GSTCD: variants seen among roughly 807,000 people sequenced by gnomAD.
The protein encoded by GSTCD is glutathione S-transferase C-terminal domain containing.
A neutral mutation model predicts 68.3 loss-of-function variants in GSTCD; 44 were observed. The ratio of observed to expected loss-of-function variants is 0.64; its 90% confidence interval spans 0.51 to 0.83. GSTCD has a LOEUF of 0.83. Among genes scored for constraint, GSTCD ranks in the 40% least tolerant of loss-of-function variants. The pLI, the probability that GSTCD is intolerant of heterozygous loss-of-function variation, is 0.00. For synonymous variants in GSTCD, 273 were observed against 255.2 expected (o/e 1.07, Z -0.67); for missense variants, 739 against 735.9 (o/e 1.00, Z -0.05).
chr4:105,752,984 C>A (rs1734057284), intron 5 of GSTCD, among the ~76,000 whole-genome samples: 2 of 152,000 alleles, frequency 1.3e-5, no homozygotes, highest in African/African-American at 4.8e-5. Context: ...TTTTCTGGAG[C>A]ACTTCCCAGT....
chr4:105,807,321 A>G (rs967269098), intron 5 of GSTCD: 4 of 152,060 alleles, frequency 2.6e-5, no homozygotes, highest in African/African-American at 9.7e-5. Flanking sequence ...TCACAAGCCA[A>G]TTATCACCTA....
rs528624311 is a variant in GSTCD at position 105,743,101 on chromosome 4, C to T, written c.1240+13602C>T. Among the ~76,000 whole-genome samples, 3 of 152,052 alleles carry T rather than the reference C, an allele frequency of 2.0e-5. No individual in the cohort carries two copies. The South Asian group carries it at 6.2e-4, about 32-fold the overall frequency. ...AGTAGCTGGGACTACAGGCGCCCGC[C>T]ACCACGCCTGGCTAATTTTTTTGTA... is the stretch of plus-strand genomic sequence containing the variant. On this transcript the variant is annotated intron_variant, in intron 5 of 11. Transcript: ENST00000515279.
intron 5 of GSTCD, among the ~76,000 whole-genome samples, chr4:105,785,983 A>C (rs1230927795): frequency 6.6e-6 from 1 of 152,222 alleles, no homozygotes; most frequent in Non-Finnish European, 1.5e-5. Flanking sequence ...GGAAGAAAAT[A>C]ATCCCATTTA....
At chr4:105,802,188 T>C (rs575068105) in intron 5 of GSTCD, among the ~76,000 whole-genome samples, 19 of 152,274 alleles carry the variant, frequency 1.2e-4, no homozygotes, top group African/African-American at 3.6e-4. Context: ...TTTGCTTGTT[T>C]TGTCAGAGAA....
rs935842538 is a variant in GSTCD, at chr4:105,846,760, A to G, written c.*1183A>G. Reference sequence around the variant, plus strand: ...GATCTTGGCTCACCACAACCTCTGCATTCTCCTGCCTCAGCCTCCCGAGTA... The same window carrying G: ...GATCTTGGCTCACCACAACCTCTGCGTTCTCCTGCCTCAGCCTCCCGAGTA... On this transcript the variant is annotated 3_prime_UTR_variant, in exon 12 of 12. Transcript: ENST00000515279. 3.5e-5 allele frequency: 5 copies of G among 144,770 alleles called. No individual in the cohort carries two copies. The highest frequency in any genetic ancestry group is 4.5e-5 in the Non-Finnish European group (3 of 67,168). The allele number at this position is 144,770 out of a possible 1,614,324, so 9.0% of individuals were successfully genotyped here. A position where few individuals can be genotyped will look rare whatever the true frequency, so the allele number is the denominator to read the frequency against.
At chr4:105,801,597 A>G (rs1409348380) in intron 5 of GSTCD, among the ~76,000 whole-genome samples, 1 of 152,096 alleles carries the variant, frequency 6.6e-6, no homozygotes, top group African/African-American at 2.4e-5. Context: ...AGTATCTATT[A>G]TGGGTAACAT....
chr4:105,752,046 A>G (rs535954500), intron 5 of GSTCD, among the ~76,000 whole-genome samples: 1 of 152,272 alleles, frequency 6.6e-6, no homozygotes, highest in Non-Finnish European at 1.5e-5. Context: ...CCCTGTATCT[A>G]ACATAGAGAC....
rs1355572595 is a variant in GSTCD at position 105,834,539 on chromosome 4, T to C, written c.1609T>C (p.Cys537Arg). 3.1e-6 allele frequency: 5 copies of C among 1,614,168 alleles called. No individual in the cohort carries two copies. Among genetic ancestry groups the C allele is most frequent in the Non-Finnish European group, 4.2e-6 (5 of 1,179,996 alleles). Residue 537 changes from cysteine (C) to arginine (R), a missense_variant, in exon 9 of 12, where the codon TGC (cysteine) becomes CGC (arginine). Coordinates refer to ENST00000515279, the MANE Select transcript of GSTCD (RefSeq NM_001370181.1). ...CAAAACACGGGCTTCCTTCGTCACA[T>C]GCCCTTGCTGTTATGGTTTCATTCA... is the stretch of plus-strand genomic sequence containing the variant. ...CIKTRASFVT[C>R]PCCYGFIQNT... is the part of the protein sequence containing the mutation.
At chr4:105,714,463 ATTTT>A (rs200198978) in intron 1 of GSTCD, among the ~76,000 whole-genome samples, 1 of 144,358 alleles carries the variant, frequency 6.9e-6, no homozygotes, top group Non-Finnish European at 1.5e-5. Flanking sequence ...AAGAGGAAGG[ATTTT>A]TTTTTTTTTG....
intron 5 of GSTCD, among the ~76,000 whole-genome samples, chr4:105,758,382 G>C (rs1428444781): frequency 6.6e-6 from 1 of 152,148 alleles, no homozygotes; most frequent in Non-Finnish European, 1.5e-5. Flanking sequence ...TGGGTCATAG[G>C]GGCAGATCCC....
intron 5 of GSTCD, among the ~76,000 whole-genome samples, chr4:105,770,259 C>T (rs1025553800): frequency 2.0e-5 from 3 of 152,088 alleles, no homozygotes; most frequent in African/African-American, 7.2e-5. Flanking sequence ...TTTTCTTTTA[C>T]TTAGCGTTTA....
At chr4:105,812,762 A>C (rs531974141) in intron 5 of GSTCD, among the ~76,000 whole-genome samples, 2 of 152,254 alleles carry the variant, frequency 1.3e-5, no homozygotes, top group Admixed American at 1.3e-4. Context: ...CATGTCTCTC[A>C]TGCTGATTTT....
chr4:105,756,880 TCAG>T (rs1390866699), intron 5 of GSTCD, among the ~76,000 whole-genome samples: 6 of 152,118 alleles, frequency 3.9e-5, no homozygotes, highest in African/African-American at 1.4e-4. Context: ...TGTCCGTCAA[TCAG>T]CAGAGTTGAG....
rs549345449 is a variant in GSTCD, at chr4:105,791,620, A to G, written c.1241-31334A>G. Among the ~76,000 whole-genome samples, 8 of 152,194 alleles carry G rather than the reference A, an allele frequency of 5.3e-5. No homozygotes were observed. The South Asian group carries it at 1.4e-3, about 28-fold the overall frequency. ...ATCAGGTTATTCTGTGTAATATTTC[A>G]TAGCAATTATACATTTTAAAAATTG... is the stretch of plus-strand genomic sequence containing the variant. On this transcript the variant is annotated intron_variant, in intron 5 of 11. Transcript: ENST00000515279.
chr4:105,750,460 CAA>C (rs1024094979), intron 5 of GSTCD, among the ~76,000 whole-genome samples: 3 of 51,268 alleles, frequency 5.9e-5, no homozygotes, highest in Admixed American at 2.1e-4. Flanking sequence ...AACTCCGTCT[CAA>C]AAAAAAAAAA....
intron 5 of GSTCD, among the ~76,000 whole-genome samples, chr4:105,774,793 T>G (rs1734989321): frequency 6.6e-6 from 1 of 152,206 alleles, no homozygotes; most frequent in African/African-American, 2.4e-5. Flanking sequence ...ATTTTTTCCT[T>G]CATTTCAACC....
intron 5 of GSTCD, among the ~76,000 whole-genome samples, chr4:105,821,791 T>A (rs1578508605): frequency 1.3e-5 from 2 of 151,864 alleles, no homozygotes; most frequent in East Asian, 3.8e-4. Context: ...CACATAAAAT[T>A]TATGAATATA....
intron 1 of GSTCD, among the ~76,000 whole-genome samples, chr4:105,714,856 A>G (rs1424142758): frequency 6.6e-6 from 1 of 152,180 alleles, no homozygotes; most frequent in Non-Finnish European, 1.5e-5. Flanking sequence ...AGAAGAGTTT[A>G]TAGAATATGT....
chr4:105,779,533 A>G (rs1364147580), intron 5 of GSTCD, among the ~76,000 whole-genome samples: 1 of 152,204 alleles, frequency 6.6e-6, no homozygotes, highest in African/African-American at 2.4e-5. Flanking sequence ...AATATTAAGT[A>G]TGGAATAACA....
Sources: allele counts gnomAD v4.1 joint callset (sites outside exome capture counted in the v4.1 genomes callset), GRCh38; gene constraint gnomAD v4.1.1; transcripts MANE v1.5; gene names NCBI Gene and HGNC (gene_info 2026-07-23, HGNC 2026-07-21).